RAB10: variants seen among roughly 807,000 people sequenced by gnomAD.
RAB10 encodes the protein ras-related protein Rab-10.
In RAB10, 5 loss-of-function variants were observed where a neutral mutation model predicts 25.7. The ratio of observed to expected loss-of-function variants is 0.19; its 90% CI spans 0.10 to 0.41. The LOEUF (loss-of-function observed/expected upper bound fraction) is 0.41. Ranked by LOEUF, RAB10 falls within the 10% of genes least tolerant of loss-of-function variation. The pLI, the probability that RAB10 is intolerant of heterozygous loss-of-function variation, is 1.00. For missense variants in RAB10, 103 were observed against 245.8 expected (o/e 0.42, Z 3.89); for synonymous variants, 89 against 86.4 (o/e 1.03, Z -0.16).
intron 1 of RAB10, among the ~76,000 whole-genome samples, chr2:26,038,719 G>A (rs1024848655): frequency 2.0e-5 from 3 of 151,264 alleles, no homozygotes; most frequent in Admixed American, 6.6e-5. Context: ...TCAGGAGATC[G>A]AGACCATCCT....
chr2:26,041,655 C>G (rs1265426816), intron 1 of RAB10, among the ~76,000 whole-genome samples: 3 of 151,672 alleles, frequency 2.0e-5, no homozygotes, highest in Non-Finnish European at 4.4e-5. Context: ...CCTGTAATCC[C>G]AGCACTTTGG....
intron 1 of RAB10, among the ~76,000 whole-genome samples, chr2:26,050,841 A>G (rs977205301): frequency 6.6e-6 from 1 of 151,980 alleles, no homozygotes; most frequent in Admixed American, 6.6e-5. Context: ...TCCTGGGCTC[A>G]AGTGATTGTC....
At chr2:26,102,906 C>T (rs971021354) in intron 2 of RAB10, among the ~76,000 whole-genome samples, 2 of 152,188 alleles carry the variant, frequency 1.3e-5, no homozygotes, top group Non-Finnish European at 2.9e-5. Context: ...GCTCTTAATA[C>T]CATAGAGCAT....
chr2:26,107,203 GC>G (rs989758747), intron 2 of RAB10, among the ~76,000 whole-genome samples: 1 of 133,254 alleles, frequency 7.5e-6, no homozygotes, highest in African/African-American at 2.9e-5. Flanking sequence ...CCAAGATCGT[GC>G]CACTACACTC....
chr2:26,114,991 G>T (rs901499389), intron 3 of RAB10, among the ~76,000 whole-genome samples: 1 of 152,080 alleles, frequency 6.6e-6, no homozygotes, highest in African/African-American at 2.4e-5. Flanking sequence ...GGATAAATTG[G>T]GCTACATCAA....
chr2:26,089,593 C>T (rs1431324176), intron 1 of RAB10, among the ~76,000 whole-genome samples: 1 of 152,150 alleles, frequency 6.6e-6, no homozygotes, highest in Non-Finnish European at 1.5e-5. Context: ...GAAGCAGCAA[C>T]TGCAACAACA....
intron 2 of RAB10, among the ~76,000 whole-genome samples, chr2:26,100,810 T>A (rs1667324584): frequency 6.6e-6 from 1 of 152,170 alleles, no homozygotes; most frequent in Non-Finnish European, 1.5e-5. Context: ...CAAAATACCA[T>A]GAACTTAAAT....
intron 1 of RAB10, among the ~76,000 whole-genome samples, chr2:26,078,116 A>G (rs1425478359): frequency 1.3e-5 from 2 of 152,258 alleles, no homozygotes; most frequent in Non-Finnish European, 2.9e-5. Flanking sequence ...CTAGGAATAG[A>G]TTTAACACAA....
At chr2:26,041,543 C>CAAAAAAAAAAAAAAA (rs1230627488) in intron 1 of RAB10, among the ~76,000 whole-genome samples, 4 of 44,626 alleles carry the variant, frequency 9.0e-5, no homozygotes, top group African/African-American at 3.4e-4. Context: ...GACGCTGACT[C>CAAAAAAAAAAAAAAA]AAAAAAAAAA....
At chr2:26,128,628 A>G (rs188860022) in intron 5 of RAB10, among the ~76,000 whole-genome samples, 1 of 152,324 alleles carries the variant, frequency 6.6e-6, no homozygotes, top group East Asian at 1.9e-4. Context: ...AAATGAATCT[A>G]TTAAGTAGTT....
At chr2:26,071,965 T>C (rs1220107989) in intron 1 of RAB10, among the ~76,000 whole-genome samples, 1 of 152,132 alleles carries the variant, frequency 6.6e-6, no homozygotes. Flanking sequence ...AGGTCCATGG[T>C]GATAATATTA....
At chr2:26,042,471 A>C (rs1461392706) in intron 1 of RAB10, among the ~76,000 whole-genome samples, 1 of 152,072 alleles carries the variant, frequency 6.6e-6, no homozygotes, top group Non-Finnish European at 1.5e-5. Context: ...CCCCATCTCT[A>C]CAAAAAAAAG....
intron 1 of RAB10, among the ~76,000 whole-genome samples, chr2:26,068,718 A>G (rs1238313032): frequency 6.6e-6 from 1 of 152,164 alleles, no homozygotes; most frequent in Non-Finnish European, 1.5e-5. Context: ...TGTGTGCTTA[A>G]CTTTAATTGT....
intron 1 of RAB10, among the ~76,000 whole-genome samples, chr2:26,055,768 A>C (rs1666249212): frequency 6.6e-6 from 1 of 151,314 alleles, no homozygotes; most frequent in Non-Finnish European, 1.5e-5. Context: ...CAAGTGATCC[A>C]CCTGCCTTGG....
Position 26,131,953 on chromosome 2 carries a change from T to A in RAB10, c.520-2985T>A, listed in dbSNP as rs542902242. On this transcript the variant is annotated intron_variant, in intron 5 of 5. Coordinates refer to ENST00000264710, the MANE Select transcript of RAB10 (RefSeq NM_016131.5). Reference sequence around the variant, plus strand: ...CAAACTTATGTGCACATTAACTGTGTGTGTAGTACATAATCTTGTATTTAA... The same window carrying A: ...CAAACTTATGTGCACATTAACTGTGAGTGTAGTACATAATCTTGTATTTAA... Among the ~76,000 whole-genome samples the A allele has an allele frequency of 4.3e-4, 65 of 152,384 alleles. 2 individuals are homozygous for A. In the South Asian group the frequency reaches 0.013, roughly 30 times the overall value.
intron 1 of RAB10, among the ~76,000 whole-genome samples, chr2:26,088,803 T>C (rs1027332151): frequency 6.6e-6 from 1 of 151,988 alleles, no homozygotes; most frequent in Non-Finnish European, 1.5e-5. Flanking sequence ...TTTTGTATTT[T>C]TAGTAGACAC....
At chr2:26,133,713 G>A (rs948871793) in intron 5 of RAB10, among the ~76,000 whole-genome samples, 26 of 151,200 alleles carry the variant, frequency 1.7e-4, no homozygotes, top group Admixed American at 1.2e-3. Context: ...TCACTCCGTC[G>A]CCCAGGCTGG....
At chr2:26,100,596 T>C (rs1055171187) in intron 2 of RAB10, among the ~76,000 whole-genome samples, 13 of 152,214 alleles carry the variant, frequency 8.5e-5, no homozygotes, top group Non-Finnish European at 1.8e-4. Flanking sequence ...TTATTTTTGG[T>C]CTGGGCACTG....
At chr2:26,108,875 CTTTATATT>C (rs1253603275) in intron 2 of RAB10, among the ~76,000 whole-genome samples, 10 of 132,548 alleles carry the variant, frequency 7.5e-5, no homozygotes, top group Non-Finnish European at 1.1e-4. Context: ...GGGTCTTTTG[CTTTATATT>C]TATTTATTTA....
Sources: allele counts gnomAD v4.1 joint callset (sites outside exome capture counted in the v4.1 genomes callset), GRCh38; gene constraint gnomAD v4.1.1; transcripts MANE v1.5; gene names NCBI Gene and HGNC (gene_info 2026-07-23, HGNC 2026-07-21).